Variants in ARHGAP15 observed in about 807,000 individuals in gnomAD.
ARHGAP15 encodes Rho GTPase activating protein 15.
In ARHGAP15, 51 loss-of-function variants were observed where a neutral mutation model predicts 63.7. That is an observed-to-expected ratio of 0.80 (90% confidence interval 0.64 to 1.01). The LOEUF is 1.01. Among genes scored for constraint, ARHGAP15 ranks in the 50% least tolerant of loss-of-function variants. The probability of loss-of-function intolerance (pLI) is 0.00; values close to 1 mark genes in which losing one functional copy is unlikely to be tolerated. For synonymous variants in ARHGAP15, 191 were observed against 193.8 expected, an observed-to-expected ratio of 0.99 and a Z score of 0.12; for missense variants, 560 against 564.6, an observed-to-expected ratio of 0.99 and a Z score of 0.08.
intron 12 of ARHGAP15, among the ~76,000 whole-genome samples, chr2:143,645,404 A>T (rs1680822540): frequency 6.6e-6 from 1 of 152,054 alleles, no homozygotes; most frequent in Non-Finnish European, 1.5e-5. Context: ...CTTATCTTGA[A>T]GCTTGAATTA....
chr2:143,338,844 G>T (rs535121253), intron 6 of ARHGAP15, among the ~76,000 whole-genome samples: 178 of 152,150 alleles, frequency 1.2e-3, no homozygotes, highest in African/African-American at 4.1e-3. Flanking sequence ...CCCTTTACAA[G>T]CTATTCAACC....
intron 8 of ARHGAP15, among the ~76,000 whole-genome samples, chr2:143,470,615 G>A (rs892025462): frequency 6.7e-6 from 1 of 149,290 alleles, no homozygotes; most frequent in African/African-American, 2.5e-5. Context: ...GTATATATGT[G>A]TATATATATA....
intron 2 of ARHGAP15, among the ~76,000 whole-genome samples, chr2:143,199,740 A>G (rs1023997373): frequency 2.6e-5 from 4 of 152,104 alleles, no homozygotes; most frequent in Admixed American, 2.0e-4. Context: ...AGAGGATACA[A>G]TTTTGGTGAA....
intron 11 of ARHGAP15, among the ~76,000 whole-genome samples, chr2:143,575,302 G>A (rs541036016): frequency 6.6e-6 from 1 of 152,278 alleles, no homozygotes; most frequent in South Asian, 2.1e-4. Context: ...TGGTGAAAAT[G>A]TCTTTGGGAC....
Position 143,238,007 on chromosome 2 carries a change from A to G in ARHGAP15, c.384+9339A>G, listed in dbSNP as rs1693720996. 3.3e-5 allele frequency: 5 copies of G among 152,056 alleles called. No homozygotes were observed. In the South Asian group the frequency reaches 1.0e-3, roughly 32 times the overall value. The allele number at this position is 152,056 out of a possible 1,614,324, so 9.4% of individuals were successfully genotyped here. Reference sequence around the variant, plus strand: ...TAATCCATCTTGAGTTAATTTTTGTATATGGTGTAAGGAAGGGGTCCAGTT... The same window carrying G: ...TAATCCATCTTGAGTTAATTTTTGTGTATGGTGTAAGGAAGGGGTCCAGTT... On this transcript the variant is annotated intron_variant, in intron 5 of 13. Transcript: ENST00000295095.
chr2:143,281,602 A>G (rs1681855166), intron 6 of ARHGAP15, among the ~76,000 whole-genome samples: 1 of 152,144 alleles, frequency 6.6e-6, no homozygotes, highest in Non-Finnish European at 1.5e-5. Flanking sequence ...CTAAGAACCC[A>G]ATCTCTCAGA....
intron 6 of ARHGAP15, among the ~76,000 whole-genome samples, chr2:143,392,645 C>T (rs1330583285): frequency 6.6e-6 from 1 of 152,020 alleles, no homozygotes; most frequent in Non-Finnish European, 1.5e-5. Context: ...TGAAGTAATG[C>T]TATGAAATCA....
intron 13 of ARHGAP15, among the ~76,000 whole-genome samples, chr2:143,736,875 C>T (rs974889451): frequency 6.6e-6 from 1 of 152,154 alleles, no homozygotes; most frequent in Non-Finnish European, 1.5e-5. Context: ...TGGAAAAGGC[C>T]TTGAGAGTTC....
At chr2:143,633,460 T>C (rs1680152838) in intron 12 of ARHGAP15, among the ~76,000 whole-genome samples, 1 of 152,120 alleles carries the variant, frequency 6.6e-6, no homozygotes, top group Non-Finnish European at 1.5e-5. Context: ...GACTCAGAAA[T>C]TAATTGAGTG....
intron 12 of ARHGAP15, chr2:143,682,710 T>C (rs1170308236): frequency 6.6e-6 from 1 of 152,176 alleles, no homozygotes; most frequent in East Asian, 1.9e-4. Flanking sequence ...TCAATCTCAT[T>C]AGCAGAGGAC....
intron 11 of ARHGAP15, among the ~76,000 whole-genome samples, chr2:143,619,364 T>TTGTG (rs559472362): frequency 1.3e-5 from 2 of 151,746 alleles, no homozygotes; most frequent in Non-Finnish European, 2.9e-5. Flanking sequence ...AACATTTAGG[T>TTGTG]TGTGTGTGTG....
chr2:143,397,857 T>C (rs138738219), intron 6 of ARHGAP15, among the ~76,000 whole-genome samples: 143 of 152,244 alleles, frequency 9.4e-4, no homozygotes, highest in Non-Finnish European at 1.5e-3. Flanking sequence ...ATTTGAAATG[T>C]ATATAGATAG....
chr2:143,467,070 C>T (rs1193126976), intron 8 of ARHGAP15, among the ~76,000 whole-genome samples: 2 of 152,020 alleles, frequency 1.3e-5, no homozygotes, highest in Non-Finnish European at 2.9e-5. Flanking sequence ...CTTAGTGATA[C>T]ATGGCTCAAC....
intron 11 of ARHGAP15, among the ~76,000 whole-genome samples, chr2:143,564,388 C>A (rs989890539): frequency 3.9e-5 from 6 of 152,030 alleles, no homozygotes; most frequent in Non-Finnish European, 5.9e-5. Flanking sequence ...AACCTGACTG[C>A]CATAAGAATC....
In ARHGAP15 at chr2:143,363,633, T is replaced by C. The variant is rs1027249733; in HGVS notation, c.475-71968T>C. ...ATTTCAAAAAGTAGCCACTTAGTCA[T>C]TTGCTGTCACAATATTCTATATACC... On this transcript the variant is annotated intron_variant, in intron 6 of 13. Coordinates refer to ENST00000295095, the MANE Select transcript of ARHGAP15 (RefSeq NM_018460.4). 2.0e-5 allele frequency among the ~76,000 whole-genome samples: 3 copies of C among 152,222 alleles called. No individual in the cohort carries two copies. The South Asian group carries it at 6.2e-4, about 32-fold the overall frequency.
intron 6 of ARHGAP15, among the ~76,000 whole-genome samples, chr2:143,340,963 A>G (rs951199550): frequency 2.0e-5 from 3 of 152,172 alleles, no homozygotes; most frequent in South Asian, 2.1e-4. Context: ...GTTCACTATC[A>G]TTTGGCCAAC....
chr2:143,386,755 A>G (rs1025339762), intron 6 of ARHGAP15, among the ~76,000 whole-genome samples: 7 of 152,142 alleles, frequency 4.6e-5, no homozygotes, highest in African/African-American at 1.7e-4. Context: ...CAACCTCACT[A>G]CTTTGCCATG....
intron 6 of ARHGAP15, among the ~76,000 whole-genome samples, chr2:143,251,324 G>A (rs919353904): frequency 2.0e-5 from 3 of 151,954 alleles, no homozygotes; most frequent in Non-Finnish European, 2.9e-5. Flanking sequence ...ATATATTTTA[G>A]AATTTATATA....
At chr2:143,408,843 TAATAAA>T (rs1019258489) in intron 6 of ARHGAP15, among the ~76,000 whole-genome samples, 3 of 151,914 alleles carry the variant, frequency 2.0e-5, no homozygotes, top group Non-Finnish European at 4.4e-5. Flanking sequence ...ACCATTCAGC[TAATAAA>T]ATTTTCTGTG....
Sources: allele counts gnomAD v4.1 joint callset (sites outside exome capture counted in the v4.1 genomes callset), GRCh38; gene constraint gnomAD v4.1.1; transcripts MANE v1.5; gene names NCBI Gene and HGNC (gene_info 2026-07-23, HGNC 2026-07-21).